The following REL variants were observed in gnomAD, a reference collection of about 807,000 sequenced individuals.
The protein encoded by REL is REL proto-oncogene, NF-kB subunit.
In REL, 15 loss-of-function variants were observed where a neutral mutation model predicts 45.9. The ratio of observed to expected loss-of-function variants is 0.33; its 90% CI spans 0.22 to 0.50. REL has a LOEUF of 0.50. REL is among the 20% of genes least tolerant of loss of function. REL has a pLI of 0.98. For missense variants in REL, 601 were observed against 715.2 expected, an observed-to-expected ratio of 0.84 and a Z score of 1.82; for synonymous variants, 239 against 242.1, an observed-to-expected ratio of 0.99 and a Z score of 0.12.
intron 4 of REL, among the ~76,000 whole-genome samples, chr2:60,907,725 CTG>C (rs1047264630): frequency 4.0e-5 from 6 of 150,960 alleles, no homozygotes. Flanking sequence ...GAGTCTCGCT[CTG>C]TTGCCCAGGC....
At chr2:60,882,028 A>G (rs546762209) in intron 1 of REL, among the ~76,000 whole-genome samples, 178 bp downstream of exon 1, 1 of 152,332 alleles carries the variant, frequency 6.6e-6, no homozygotes, top group East Asian at 1.9e-4. Flanking sequence ...TGCGTGCAGA[A>G]TCCAAGCCAC....
At chr2:60,909,450 CA>C (rs1400332548) in intron 4 of REL, among the ~76,000 whole-genome samples, 2 of 151,300 alleles carry the variant, frequency 1.3e-5, no homozygotes, top group African/African-American at 4.9e-5. Flanking sequence ...AGACTTAGTT[CA>C]TTTTTTTTTT....
intron 2 of REL, among the ~76,000 whole-genome samples, chr2:60,893,844 G>T (rs773571367): frequency 1.3e-5 from 2 of 151,998 alleles, no homozygotes; most frequent in Non-Finnish European, 2.9e-5. Context: ...TTTTTACTCT[G>T]TGTTCTAGCT....
rs966262003 is a variant in REL, at chr2:60,924,688, G to A, written c.*2153G>A. On this transcript the variant is annotated 3_prime_UTR_variant, in exon 10 of 10. Transcript: ENST00000394479. ...TAAATCCATGTTTTGACATTGTCAA[G>A]CTCATTGCAACTTCCAGATTGAGTA... The A allele has an allele frequency of 9.4e-6, 2 of 212,290 alleles. No individual in the cohort carries two copies. Among genetic ancestry groups the A allele is most frequent in the African/African-American group, 2.3e-5 (1 of 44,248 alleles). The allele number at this position is 212,290 out of a possible 1,614,324, so 13.2% of individuals were successfully genotyped here.
Position 60,916,861 on chromosome 2 carries a change from T to C in REL, c.395-16T>C. Reference sequence around the variant, plus strand: ...ATGTGACTATTACATTTAAAAAATTTTTTTTTTCTATTCAGTCCCTGAAAA... The same window carrying C: ...ATGTGACTATTACATTTAAAAAATTCTTTTTTTCTATTCAGTCCCTGAAAA... On this transcript the variant is annotated splice_polypyrimidine_tract_variant and intron_variant, in intron 4 of 9. Transcript: ENST00000394479. 6.2e-7 allele frequency: 1 copy of C among 1,600,798 alleles called. No homozygotes were observed. The highest frequency in any genetic ancestry group is 1.1e-5 in the South Asian group (1 of 89,438).
In REL at chr2:60,922,029, G is replaced by C. The variant is rs749735594; in HGVS notation, c.1258G>C (p.Gly420Arg). The change falls in exon 10 of 10, where the codon GGG becomes CGG. Residue 420 changes from glycine (G) to arginine (R), a missense_variant. By Grantham distance (125) the Gly-to-Arg change is moderately radical (BLOSUM62 -2). Coordinates refer to ENST00000394479, the MANE Select transcript of REL (RefSeq NM_001291746.2). ...GIPPFLRIPV[G>R]NDLNASNACI... Reference sequence around the variant, plus strand: ...CCCACCATTCCTGAGAATACCTGTTGGGAATGATTTAAATGCTTCTAATGC... The same window carrying C: ...CCCACCATTCCTGAGAATACCTGTTCGGAATGATTTAAATGCTTCTAATGC... 2 of 1,614,150 alleles carry C rather than the reference G, an allele frequency of 1.2e-6. 1 individual carries two copies. The highest frequency in any genetic ancestry group is 2.2e-5 in the South Asian group (2 of 91,082).
Position 60,906,913 on chromosome 2 carries a change from A to ATAT in REL, c.394+5831_394+5832insATT, listed in dbSNP as rs1311506982. On this transcript the variant is annotated intron_variant, in intron 4 of 9. Transcript: ENST00000394479. ...TGTGTGTATATATATATATATATAT[A>ATAT]TTTTTTTTTTTTTTTTCTTTTCCGA... Among the ~76,000 whole-genome samples, 708 of 104,322 alleles carry ATAT rather than the reference A, an allele frequency of 6.8e-3. 12 individuals carry two copies. Among genetic ancestry groups the ATAT allele is most frequent in the African/African-American group, 0.026 (647 of 25,204 alleles). The allele number at this position is 104,322 out of a possible 152,430, so 68.4% of individuals were successfully genotyped here.
At chr2:60,901,199 A>G in intron 4 of REL, 116 bp downstream of exon 4, 2 of 1,251,316 alleles carry the variant, frequency 1.6e-6, no homozygotes, top group Non-Finnish European at 1.0e-6. Flanking sequence ...TCTTGTCGCC[A>G]GGCTGGAGTG....
chr2:60,916,982 T>C lies in REL; in HGVS notation c.500T>C (p.Leu167Pro). The change falls in exon 5 of 10, where the codon CTT (leucine) becomes CCT (proline). Residue 167 changes from leucine to proline, a missense_variant. By Grantham distance (98) the Leu-to-Pro change is moderately conservative (BLOSUM62 -3). Around this residue, in one of 4 missense-constraint regions of REL, gnomAD observed 241 missense variants for 347.0 expected, o/e 0.69. Transcript: ENST00000394479. ...PDEHGNLTTA[L>P]PPVVSNPIYD... ...GAACATGGTAATTTGACGACTGCTC[T>C]TCCTCCTGTTGTCTCGAACCCAATT... The C allele has an allele frequency of 1.9e-6, 3 of 1,613,436 alleles. No homozygotes were observed. Among genetic ancestry groups the C allele is most frequent in the Non-Finnish European group, 2.5e-6 (3 of 1,179,574 alleles).
Position 60,921,770 on chromosome 2 carries a change from C to G in REL, c.999C>G (p.Asn333Lys). 6.3e-7 allele frequency: 1 copy of G among 1,591,722 alleles called. No homozygotes were observed. The highest frequency in any genetic ancestry group is 8.6e-7 in the Non-Finnish European group (1 of 1,164,894). Residue 333 changes from asparagine (N) to lysine (K), a missense_variant, in exon 10 of 10, where the codon AAC becomes AAG. Transcript: ENST00000394479. ...AAATTTTTCCTCCCACAGAACCAAACTTGTTTTCTCATGATGCAGTTGTGA... is the reference window on the plus strand; with the variant it reads ...AAATTTTTCCTCCCACAGAACCAAAGTTGTTTTCTCATGATGCAGTTGTGA... The part of the protein sequence containing the change: ...GEGRYFKKEP[N>K]LFSHDAVVRE...
At chr2:60,882,850 A>T (rs1305050574) in intron 1 of REL, among the ~76,000 whole-genome samples, 1 of 152,206 alleles carries the variant, frequency 6.6e-6, no homozygotes, top group Admixed American at 6.5e-5. Context: ...TTTATCACTT[A>T]TGTGACTATA....
chr2:60,911,775 C>T (rs1371015965), intron 4 of REL, among the ~76,000 whole-genome samples: 3 of 151,834 alleles, frequency 2.0e-5, no homozygotes, highest in African/African-American at 4.8e-5. Context: ...CCGAGGCGGG[C>T]GGATCACAAG....
At position 60,928,370 on chromosome 2, in the gene REL, A is replaced by G. The variant is rs1674316618; in HGVS notation, c.*5835A>G. 1 of 151,948 alleles carries G rather than the reference A, an allele frequency of 6.6e-6. No homozygotes were observed. Among genetic ancestry groups the G allele is most frequent in the African/African-American group, 2.4e-5 (1 of 41,388 alleles). 9.4% of individuals were successfully genotyped at this position (151,948 alleles called of 1,614,324 possible). A position where few individuals can be genotyped will look rare whatever the true frequency, so the allele number is the denominator to read the frequency against. ...AAAAAGAGCCCATATCGCCAAGTCA[A>G]TCCTAAGCCAAAAGAACAAAGCTGG... is the stretch of plus-strand genomic sequence containing the variant. On this transcript the variant is annotated 3_prime_UTR_variant, in exon 10 of 10. Coordinates refer to ENST00000394479, the MANE Select transcript of REL (RefSeq NM_001291746.2).
chr2:60,899,788 C>T (rs780707613), intron 3 of REL: 3 of 152,296 alleles, frequency 2.0e-5, no homozygotes, highest in Non-Finnish European at 4.4e-5. Flanking sequence ...CCCCCACCAT[C>T]GTCTATGCTA....
At chr2:60,914,087 C>A (rs1673891742) in intron 4 of REL, among the ~76,000 whole-genome samples, 1 of 152,298 alleles carries the variant, frequency 6.6e-6, no homozygotes, top group East Asian at 1.9e-4. Flanking sequence ...ATAGAAGAGG[C>A]ATACATAAAT....
At chr2:60,921,624 T>G in intron 9 of REL, 139 bp from the exon 10 acceptor site, 1 of 756,828 alleles carries the variant, frequency 1.3e-6, no homozygotes, top group South Asian at 2.1e-5. Flanking sequence ...CTTTTTACAT[T>G]TTTTTATTTG....
intron 4 of REL, among the ~76,000 whole-genome samples, chr2:60,904,625 T>C (rs1482034911): frequency 6.7e-6 from 1 of 148,172 alleles, no homozygotes; most frequent in Non-Finnish European, 1.5e-5. Context: ...CGGTGTCTTA[T>C]GCCTGTAATC....
intron 2 of REL, among the ~76,000 whole-genome samples, chr2:60,892,204 A>C (rs1673232124): frequency 6.6e-6 from 1 of 152,190 alleles, no homozygotes; most frequent in East Asian, 1.9e-4. Flanking sequence ...TTAAACATGG[A>C]TTTGAGAACT....
rs958064395 is a variant in REL, at chr2:60,930,264, G to C, written c.*7729G>C. ...CCAATATCTGTATATCCTATGTCCC[G>C]GATTAATCTTTAATTTAGATACTCC... On this transcript the variant is annotated 3_prime_UTR_variant, in exon 10 of 10. Transcript: ENST00000394479. The C allele has an allele frequency of 6.6e-6, 1 of 152,206 alleles. No individual in the cohort carries two copies. The highest frequency in any genetic ancestry group is 1.5e-5 in the Non-Finnish European group (1 of 68,014). The allele number at this position is 152,206 out of a possible 1,614,324, so 9.4% of individuals were successfully genotyped here. A position where few individuals can be genotyped will look rare whatever the true frequency, so the allele number is the denominator to read the frequency against.
Sources: gnomAD v4.1 joint callset for allele counts (sites outside exome capture counted in the v4.1 genomes callset) on GRCh38, gnomAD v4.1.1 for gene constraint, gnomAD v4.1.1 regional missense constraint, MANE v1.5 for transcripts, NCBI Gene and HGNC (gene_info 2026-07-23, HGNC 2026-07-21) for gene names.